The following CLIP1 variants were observed in gnomAD, a reference collection of about 807,000 sequenced individuals.
The protein encoded by CLIP1 is CAP-Gly domain containing linker protein 1.
In CLIP1, 66 loss-of-function variants were observed where a neutral mutation model predicts 161.6. The observed-to-expected ratio is 0.41, with a 90% CI of 0.33 to 0.50. The LOEUF (loss-of-function observed/expected upper bound fraction) is 0.50. Ranked by LOEUF, CLIP1 falls within the 20% of genes least tolerant of loss-of-function variation. CLIP1 has a pLI of 0.27. For missense variants in CLIP1, 1,376 were observed against 1,702.0 expected (o/e 0.81, Z 3.37); for synonymous variants, 598 against 626.2 (o/e 0.96, Z 0.67).
intron 20 of CLIP1, among the ~76,000 whole-genome samples, chr12:122,294,144 T>C (rs1247566256): frequency 1.3e-5 from 2 of 150,516 alleles, no homozygotes; most frequent in African/African-American, 2.4e-5. Context: ...CTGACTAACA[T>C]GGTGAAACCC....
At chr12:122,273,200 G>T in intron 25 of CLIP1, 100 bp from the exon 26 acceptor site, 1 of 893,804 alleles carries the variant, frequency 1.1e-6, no homozygotes, top group Non-Finnish European at 1.7e-6. Context: ...AACTAATTAT[G>T]GCCAAGTCTG....
At chr12:122,329,069 C>T (rs1267496566) in intron 15 of CLIP1, among the ~76,000 whole-genome samples, 9 of 151,906 alleles carry the variant, frequency 5.9e-5, no homozygotes, top group Non-Finnish European at 1.2e-4. Flanking sequence ...GTGGCTTATG[C>T]CTATGATCCC....
In CLIP1 at chr12:122,351,142, T is replaced by C. The variant is rs374414304; in HGVS notation, c.1370A>G (p.Gln457Arg). The change falls in exon 9 of 26, where the codon CAA becomes CGA. Residue 457 changes from glutamine (Q) to arginine (R), a missense_variant and splice_region_variant. Around this residue, in one of 6 missense-constraint regions of CLIP1, gnomAD observed 948 missense variants for 1,134.8 expected, o/e 0.84. Coordinates refer to ENST00000620786, the MANE Select transcript of CLIP1 (RefSeq NM_001247997.2). ...AGGATCTTCAGAAATCTGGCTCTTT[T>C]GCTATCAGTAAAAAAATAAAAAAAA... ...EESITKGDLE[Q>R]KSQISEDPEN... is the part of the protein sequence containing the mutation. 21 of 1,497,554 alleles carry C rather than the reference T, an allele frequency of 1.4e-5. No individual in the cohort carries two copies. The African/African-American group carries it at 2.8e-4, about 20-fold the overall frequency. The allele number at this position is 1,497,554 out of a possible 1,614,324, so 92.8% of individuals were successfully genotyped here.
intron 20 of CLIP1, among the ~76,000 whole-genome samples, chr12:122,289,417 TA>T (rs11384628): frequency 4.2e-4 from 61 of 146,734 alleles, no homozygotes; most frequent in Non-Finnish European, 3.3e-4. Flanking sequence ...AGACTCCATC[TA>T]AAAAAAAAAA....
In CLIP1 at chr12:122,272,414, A is replaced by G. The variant is rs1444651270; in HGVS notation, c.*461T>C. The G allele has an allele frequency of 6.1e-6, 1 of 164,226 alleles. No individual in the cohort carries two copies. The highest frequency in any genetic ancestry group is 1.3e-5 in the Non-Finnish European group (1 of 75,020). The allele number at this position is 164,226 out of a possible 1,614,324, so 10.2% of individuals were successfully genotyped here. ...GAATAAGAATAAAATACTTTAAATG[A>G]GTAGATGAAAATGCAAAATGGCACA... is the stretch of plus-strand genomic sequence containing the variant. On this transcript the variant is annotated 3_prime_UTR_variant, in exon 26 of 26. Coordinates refer to ENST00000620786, the MANE Select transcript of CLIP1 (RefSeq NM_001247997.2).
intron 17 of CLIP1, 93 bp downstream of exon 17, chr12:122,327,854 T>C (rs58766840): frequency 0.12 from 145,089 of 1,191,400 alleles, 12,385 homozygotes; most frequent in East Asian, 0.47. Context: ...ACCTTAACTT[T>C]TCCCACTGGC....
At chr12:122,386,840 AG>A (rs1176415764) in intron 1 of CLIP1, among the ~76,000 whole-genome samples, 8,103 of 131,382 alleles carry the variant, frequency 0.062, 711 homozygotes, top group African/African-American at 0.22. Context: ...AAAAAAAAAA[AG>A]AGAGAGAGAT....
At chr12:122,415,774 G>A (rs538558680) in intron 1 of CLIP1, among the ~76,000 whole-genome samples, 11 of 151,704 alleles carry the variant, frequency 7.3e-5, no homozygotes, top group African/African-American at 1.2e-4. Flanking sequence ...AGCTAAGATC[G>A]TGCCACTGCA....
At chr12:122,300,862 CCAA>C (rs1484210861) in intron 20 of CLIP1, among the ~76,000 whole-genome samples, 1 of 152,094 alleles carries the variant, frequency 6.6e-6, no homozygotes, top group Non-Finnish European at 1.5e-5. Context: ...CTTGCATTCA[CCAA>C]ATGATCAAAA....
chr12:122,319,168 G>T, intron 18 of CLIP1, 64 bp downstream of exon 18: 3 of 1,132,768 alleles, frequency 2.6e-6, no homozygotes, highest in South Asian at 2.5e-5. Context: ...CTGAGTCAGT[G>T]ACCAAACATT....
chr12:122,286,736 C>T (rs561548297), intron 21 of CLIP1, among the ~76,000 whole-genome samples: 1 of 152,034 alleles, frequency 6.6e-6, no homozygotes, highest in African/African-American at 2.4e-5. Flanking sequence ...CGGTGGCTCA[C>T]GCCTGTAATC....
chr12:122,338,856 A>G (rs1259604084), intron 11 of CLIP1, among the ~76,000 whole-genome samples: 1 of 152,246 alleles, frequency 6.6e-6, no homozygotes, highest in East Asian at 1.9e-4. Context: ...TTTGATTAGT[A>G]TTTCGGAACC....
chr12:122,365,346 C>G, intron 3 of CLIP1: 1 of 971,606 alleles, frequency 1.0e-6, no homozygotes, highest in Non-Finnish European at 1.6e-6. Flanking sequence ...AAGTGGAAGT[C>G]TACAATGTTA....
At chr12:122,294,206 G>C (rs1950376096) in intron 20 of CLIP1, among the ~76,000 whole-genome samples, 1 of 151,156 alleles carries the variant, frequency 6.6e-6, no homozygotes, top group African/African-American at 2.4e-5. Flanking sequence ...GTGGGTGCCT[G>C]TAGTCCCAGC....
At chr12:122,419,794 G>A (rs981012967) in intron 1 of CLIP1, among the ~76,000 whole-genome samples, 3 of 151,626 alleles carry the variant, frequency 2.0e-5, no homozygotes, top group African/African-American at 4.8e-5. Context: ...AAACTAGCCC[G>A]GTGCCGTGGT....
Position 122,309,686 on chromosome 12 carries a change from T to C in CLIP1, c.3594+76A>G. ...CCACCACACTGAGCAGACCTCCGAGTGGCCTCTGAGCGTGCTGCCAACAGC... is the reference window on the plus strand; with the variant it reads ...CCACCACACTGAGCAGACCTCCGAGCGGCCTCTGAGCGTGCTGCCAACAGC... On this transcript the variant is annotated intron_variant, in intron 20 of 25. Coordinates refer to ENST00000620786, the MANE Select transcript of CLIP1 (RefSeq NM_001247997.2). The C allele has an allele frequency of 1.9e-6, 3 of 1,574,938 alleles. 1 individual carries two copies. The highest frequency in any genetic ancestry group is 1.7e-6 in the Non-Finnish European group (2 of 1,152,520).
Position 122,377,603 on chromosome 12 carries a change from G to C in CLIP1, c.443C>G (p.Pro148Arg). ...CATGCTGGCCGTAGAAGTGCACAGC[G>C]GTGAAGTAGCTCGGGAGGCGGGCGT... The part of the protein sequence containing the change: ...QTTPASRATS[P>R]LCTSTASMVS... The change falls in exon 3 of 26, where the codon CCG becomes CGG. Residue 148 changes from proline to arginine, a missense_variant. Around this residue, in one of 6 missense-constraint regions of CLIP1, gnomAD observed 119 missense variants for 112.0 expected, o/e 1.06. Coordinates refer to ENST00000620786, the MANE Select transcript of CLIP1 (RefSeq NM_001247997.2). 1 of 1,613,910 alleles carries C rather than the reference G, an allele frequency of 6.2e-7. No homozygotes were observed. Among genetic ancestry groups the C allele is most frequent in the African/African-American group, 1.3e-5 (1 of 74,958 alleles).
intron 23 of CLIP1, 25 bp downstream of exon 23, chr12:122,278,767 G>A (rs1306348858): frequency 6.4e-6 from 10 of 1,562,612 alleles, no homozygotes; most frequent in Non-Finnish European, 7.8e-6. Context: ...GGTGTACAGA[G>A]AAGCACTGGG....
chr12:122,376,676 T>C (rs1488286359), intron 3 of CLIP1, among the ~76,000 whole-genome samples: 4 of 151,450 alleles, frequency 2.6e-5, no homozygotes, highest in African/African-American at 9.7e-5. Context: ...TTCACCGCAT[T>C]AGCCAGGATG....
Sources: allele counts gnomAD v4.1 joint callset (sites outside exome capture counted in the v4.1 genomes callset), GRCh38; gene constraint gnomAD v4.1.1; regional missense constraint gnomAD v4.1.1; transcripts MANE v1.5; gene names NCBI Gene and HGNC (gene_info 2026-07-23, HGNC 2026-07-21).